QTMAN: variants seen among roughly 807,000 people sequenced by gnomAD.
QTMAN encodes queuosine-tRNA mannosyltransferase.
At chr2:144,038,923 C>G in the QTMAN span, among the ~76,000 whole-genome samples, 17 of 152,112 alleles carry the variant, frequency 1.1e-4, no homozygotes, top group Non-Finnish European at 2.5e-4. Context: ...GAAAAAACAT[C>G]CTTTTTGCTG....
the QTMAN span, chr2:143,952,948 A>C: frequency 1.4e-6 from 1 of 700,990 alleles, no homozygotes; most frequent in Non-Finnish European, 2.6e-6. Flanking sequence ...GCCCAGAGTT[A>C]ACTGGGACAA....
chr2:144,027,721 C>G, the QTMAN span, among the ~76,000 whole-genome samples: 1 of 152,172 alleles, frequency 6.6e-6, no homozygotes, highest in Non-Finnish European at 1.5e-5. Flanking sequence ...TTGCTTTAAA[C>G]ACACACGCAC....
chr2:144,209,631 T>C, the QTMAN span, among the ~76,000 whole-genome samples: 5 of 152,326 alleles, frequency 3.3e-5, no homozygotes, highest in East Asian at 9.6e-4. Context: ...GAATTAGCTA[T>C]CAAGCCATTT....
At chr2:144,054,166 C>T in the QTMAN span, among the ~76,000 whole-genome samples, 12 of 151,836 alleles carry the variant, frequency 7.9e-5, no homozygotes, top group Admixed American at 7.2e-4. Context: ...CTAGCCTGGG[C>T]GACAGAGTGA....
At chr2:143,993,303 T>A in the QTMAN span, among the ~76,000 whole-genome samples, 1 of 151,866 alleles carries the variant, frequency 6.6e-6, no homozygotes, top group African/African-American at 2.4e-5. Context: ...AACTTCATAG[T>A]GATTGCACAT....
At chr2:144,314,405 G>T in the QTMAN span, among the ~76,000 whole-genome samples, 1 of 152,192 alleles carries the variant, frequency 6.6e-6, no homozygotes, top group East Asian at 1.9e-4. Flanking sequence ...GAAAGGGAAG[G>T]CCTGATAGAA....
chr2:144,031,466 T>C, the QTMAN span, among the ~76,000 whole-genome samples: 2 of 152,116 alleles, frequency 1.3e-5, no homozygotes, highest in African/African-American at 4.8e-5. Flanking sequence ...CAGGAAAGAA[T>C]GTCCCTAATT....
the QTMAN span, among the ~76,000 whole-genome samples, chr2:144,323,803 C>T: frequency 6.6e-6 from 1 of 152,188 alleles, no homozygotes; most frequent in East Asian, 1.9e-4. Flanking sequence ...TTAGTGAGCA[C>T]TTACATGTAT....
At chr2:144,197,977 T>G in the QTMAN span, among the ~76,000 whole-genome samples, 1 of 152,168 alleles carries the variant, frequency 6.6e-6, no homozygotes, top group African/African-American at 2.4e-5. Context: ...CTGTAATTCC[T>G]GAACTTCAGG....
the QTMAN span, among the ~76,000 whole-genome samples, chr2:144,136,388 G>GAA: frequency 1.1e-5 from 1 of 91,194 alleles, no homozygotes; most frequent in African/African-American, 6.3e-5. Flanking sequence ...AAAGGAAAAG[G>GAA]AAAAGGAAAA....
the QTMAN span, among the ~76,000 whole-genome samples, chr2:144,246,345 G>A: frequency 6.6e-5 from 10 of 150,790 alleles, no homozygotes; most frequent in African/African-American, 2.2e-4. Flanking sequence ...AGGCCGAGGC[G>A]GGTGGATCAT....
chr2:144,158,333 A>G, the QTMAN span, among the ~76,000 whole-genome samples: 1 of 152,008 alleles, frequency 6.6e-6, no homozygotes, highest in African/African-American at 2.4e-5. Flanking sequence ...AAATGTGTCA[A>G]AGTACCCAAA....
chr2:144,226,254 A>G, the QTMAN span, among the ~76,000 whole-genome samples: 1 of 152,212 alleles, frequency 6.6e-6, no homozygotes, highest in Non-Finnish European at 1.5e-5. Flanking sequence ...CCATGTTAGA[A>G]GCATTATCAA....
chr2:143,972,516 G>C, the QTMAN span, among the ~76,000 whole-genome samples: 2 of 151,752 alleles, frequency 1.3e-5, no homozygotes, highest in African/African-American at 2.4e-5. Flanking sequence ...AGGTTTAATC[G>C]GGTAGAGCTG....
At chr2:144,180,943 G>A in the QTMAN span, among the ~76,000 whole-genome samples, 1 of 152,104 alleles carries the variant, frequency 6.6e-6, no homozygotes, top group Admixed American at 6.5e-5. Flanking sequence ...CTAAATTAAA[G>A]GGAAATTTCC....
chr2:144,325,163 A>G, the QTMAN span, among the ~76,000 whole-genome samples: 6 of 152,228 alleles, frequency 3.9e-5, no homozygotes, highest in South Asian at 2.1e-4. Flanking sequence ...CCTCAATCCC[A>G]TATCTTTTAT....
the QTMAN span, among the ~76,000 whole-genome samples, chr2:144,095,734 G>A: frequency 6.6e-6 from 1 of 152,018 alleles, no homozygotes; most frequent in East Asian, 1.9e-4. Context: ...ACTTCCGCCA[G>A]CATTGCAATT....
the QTMAN span, among the ~76,000 whole-genome samples, chr2:144,072,118 G>A: frequency 1.3e-5 from 2 of 152,134 alleles, no homozygotes; most frequent in Non-Finnish European, 2.9e-5. Context: ...CTGGATCAGA[G>A]AGCAAGCAAC....
the QTMAN span, among the ~76,000 whole-genome samples, chr2:143,982,912 CTTTAGATAGTGTA>C: frequency 6.8e-6 from 1 of 146,596 alleles, no homozygotes; most frequent in Middle Eastern, 3.4e-3. Context: ...TAACCAATTA[CTTTAGATAGTGTA>C]TTTAGTGAGA....
Sources: gnomAD v4.1 joint callset for allele counts (sites outside exome capture counted in the v4.1 genomes callset) on GRCh38, gnomAD v4.1.1 for gene constraint, MANE v1.5 for transcripts, NCBI Gene and HGNC (gene_info 2026-07-23, HGNC 2026-07-21) for gene names.